The following GRAMD2B variants were observed in gnomAD, a reference collection of about 807,000 sequenced individuals.
GRAMD2B encodes GRAM domain containing 2B, also known as GRAM domain-containing protein 2B.
In GRAMD2B, 41 loss-of-function variants were observed where a neutral mutation model predicts 59.2. That is an observed-to-expected ratio of 0.69 (90% CI 0.54 to 0.90). GRAMD2B has a LOEUF of 0.90. Among genes scored for constraint, GRAMD2B ranks in the 40% least tolerant of loss-of-function variants. The pLI, the probability that GRAMD2B is intolerant of heterozygous loss-of-function variation, is 0.00. For synonymous variants in GRAMD2B, 161 were observed against 182.7 expected, an observed-to-expected ratio of 0.88 and a Z score of 0.96; for missense variants, 424 against 500.5, an observed-to-expected ratio of 0.85 and a Z score of 1.46.
At chr5:126,455,754 A>T (rs1766169688) in intron 1 of GRAMD2B, among the ~76,000 whole-genome samples, 1 of 152,228 alleles carries the variant, frequency 6.6e-6, no homozygotes, top group Admixed American at 6.5e-5. Flanking sequence ...TATATTTCTG[A>T]CAGCTATAAT....
At chr5:126,491,276 G>A (rs1773881444) in intron 13 of GRAMD2B, among the ~76,000 whole-genome samples, 1 of 152,082 alleles carries the variant, frequency 6.6e-6, no homozygotes, top group Non-Finnish European at 1.5e-5. Context: ...GGTCCTGAGG[G>A]ATACATGAGG....
At chr5:126,488,720 A>C in intron 12 of GRAMD2B, 79 bp from the exon 13 acceptor site, 1 of 989,472 alleles carries the variant, frequency 1.0e-6, no homozygotes, top group South Asian at 1.5e-5. Context: ...TTTTCTGTTC[A>C]AATAAATTTT....
chr5:126,461,059 C>T (rs1192750083), intron 1 of GRAMD2B, among the ~76,000 whole-genome samples: 2 of 152,192 alleles, frequency 1.3e-5, no homozygotes, highest in African/African-American at 4.8e-5. Context: ...CACAGGGACT[C>T]ATCACTGTAA....
intron 1 of GRAMD2B, among the ~76,000 whole-genome samples, chr5:126,460,203 A>G (rs1767086311): frequency 6.6e-6 from 1 of 152,238 alleles, no homozygotes; most frequent in Non-Finnish European, 1.5e-5. Flanking sequence ...ACACGTTTAC[A>G]TACGCACAGT....
upstream of GRAMD2B, among the ~76,000 whole-genome samples, chr5:126,419,770 G>A (rs1358317920): frequency 6.6e-6 from 1 of 152,094 alleles, no homozygotes; most frequent in Admixed American, 6.5e-5. Flanking sequence ...AATCTTCTTT[G>A]CTTTTGCCAG....
In GRAMD2B at chr5:126,475,029, T is replaced by G. The variant is rs558800849; in HGVS notation, c.486+1661T>G. Among the ~76,000 whole-genome samples the G allele has an allele frequency of 2.2e-4, 33 of 152,312 alleles. 1 individual carries two copies. The highest frequency in any genetic ancestry group is 7.5e-4 in the African/African-American group (31 of 41,566). ...CAGTCCAACATGGTCCAATATGAGC[T>G]GAAGGCACCCAAACAATTGCTCTAC... On this transcript the variant is annotated intron_variant, in intron 5 of 13. Transcript: ENST00000285689.
chr5:126,400,288 C>T (rs1024747944), intron 1 of GRAMD2B, among the ~76,000 whole-genome samples: 8 of 152,058 alleles, frequency 5.3e-5, no homozygotes, highest in Non-Finnish European at 1.2e-4. Context: ...TATGTTATAA[C>T]AGTTAGCTTA....
intron 1 of GRAMD2B, among the ~76,000 whole-genome samples, chr5:126,403,525 A>T (rs1179577914): frequency 6.6e-6 from 1 of 151,986 alleles, no homozygotes; most frequent in Non-Finnish European, 1.5e-5. Flanking sequence ...CGTAATAGGT[A>T]CTAGAAATAA....
intron 2 of GRAMD2B, chr5:126,466,410 G>T (rs1464634985): frequency 1.4e-5 from 10 of 734,566 alleles, no homozygotes; most frequent in Non-Finnish European, 2.2e-5. Context: ...TTTCCTGCAT[G>T]CTGTTTTGTG....
chr5:126,383,197 A>G (rs1387791026), intron 1 of GRAMD2B, among the ~76,000 whole-genome samples: 1 of 152,250 alleles, frequency 6.6e-6, no homozygotes, highest in Non-Finnish European at 1.5e-5. Context: ...CCTCACTTTC[A>G]TTAAAAGCTT....
chr5:126,448,617 G>C (rs151276666), intron 1 of GRAMD2B, among the ~76,000 whole-genome samples: 13 of 152,248 alleles, frequency 8.5e-5, no homozygotes, highest in African/African-American at 3.1e-4. Context: ...ATGAGGTAGG[G>C]AGGTATAGTG....
At chr5:126,449,441 C>T (rs915199315) in intron 1 of GRAMD2B, among the ~76,000 whole-genome samples, 2 of 152,110 alleles carry the variant, frequency 1.3e-5, no homozygotes, top group African/African-American at 2.4e-5. Flanking sequence ...AAGCCAAATA[C>T]AGATAAGAGA....
At chr5:126,370,221 A>G (rs1754675607), upstream of GRAMD2B, among the ~76,000 whole-genome samples, 1 of 152,242 alleles carries the variant, frequency 6.6e-6, no homozygotes, top group Non-Finnish European at 1.5e-5. Context: ...AATATCACTG[A>G]AAGACTCACT....
upstream of GRAMD2B, among the ~76,000 whole-genome samples, chr5:126,371,146 C>G (rs1754728904): frequency 6.6e-6 from 1 of 152,208 alleles, no homozygotes; most frequent in Non-Finnish European, 1.5e-5. Context: ...GCTTTTCTGA[C>G]TAAATTCAGA....
At chr5:126,448,564 T>C (rs1321821706) in intron 1 of GRAMD2B, among the ~76,000 whole-genome samples, 2 of 152,140 alleles carry the variant, frequency 1.3e-5, no homozygotes, top group Non-Finnish European at 2.9e-5. Flanking sequence ...AGCACAGTGA[T>C]CTTCCATATA....
At chr5:126,360,279 G>T in exon 1 of GRAMD2B, 1 of 1,546,352 alleles carries the variant, frequency 6.5e-7, no homozygotes, top group Non-Finnish European at 8.7e-7. Flanking sequence ...TAAATACAAA[G>T]TTCCTTCCCG....
intron 1 of GRAMD2B, among the ~76,000 whole-genome samples, chr5:126,379,004 C>T (rs543146517): frequency 1.1e-4 from 17 of 152,250 alleles, no homozygotes; most frequent in African/African-American, 4.1e-4. Context: ...GTGCACCCAT[C>T]ACCCAAGTAG....
intron 1 of GRAMD2B, among the ~76,000 whole-genome samples, chr5:126,373,979 C>T (rs1336740615): frequency 6.6e-6 from 1 of 152,218 alleles, no homozygotes; most frequent in East Asian, 1.9e-4. Context: ...CATAACGTGA[C>T]ATTCACTTTA....
chr5:126,469,090 A>G (rs773836308), intron 2 of GRAMD2B, among the ~76,000 whole-genome samples: 35 of 152,170 alleles, frequency 2.3e-4, no homozygotes, highest in Admixed American at 4.6e-4. Flanking sequence ...CTTTTTAAAT[A>G]CTGATTAAAA....
Sources: allele counts gnomAD v4.1 joint callset (sites outside exome capture counted in the v4.1 genomes callset), GRCh38; gene constraint gnomAD v4.1.1; transcripts MANE v1.5; gene names NCBI Gene and HGNC (gene_info 2026-07-23, HGNC 2026-07-21).